The following AGBL4 variants were observed in gnomAD, a reference collection of about 807,000 sequenced individuals.
The protein encoded by AGBL4 is AGBL carboxypeptidase 4, also known as cytosolic carboxypeptidase 6.
Under a neutral mutation model 66.4 loss-of-function variants are expected in AGBL4, and 58 were observed. The ratio of observed to expected loss-of-function variants is 0.87; its 90% confidence interval spans 0.71 to 1.09. The LOEUF (loss-of-function observed/expected upper bound fraction) is 1.09. Ranked by LOEUF, AGBL4 falls within the 50% of genes least tolerant of loss-of-function variation. AGBL4 has a pLI of 0.00. For synonymous variants in AGBL4, 234 were observed against 222.9 expected (o/e 1.05, Z -0.44); for missense variants, 579 against 631.0 (o/e 0.92, Z 0.88).
At chr1:49,404,850 C>CTGCTTATTT (rs1645162790) in intron 3 of AGBL4, among the ~76,000 whole-genome samples, 1 of 152,124 alleles carries the variant, frequency 6.6e-6, no homozygotes, top group Non-Finnish European at 1.5e-5. Context: ...ATATATTCAA[C>CTGCTTATTT]TGCTTATTTT....
intron 4 of AGBL4, among the ~76,000 whole-genome samples, chr1:49,079,315 A>G (rs1159618096): frequency 6.6e-6 from 1 of 152,168 alleles, no homozygotes; most frequent in Non-Finnish European, 1.5e-5. Context: ...AATACCTGAA[A>G]CTGGGTAATT....
chr1:49,552,021 A>G (rs953027022), intron 3 of AGBL4, among the ~76,000 whole-genome samples: 1 of 152,036 alleles, frequency 6.6e-6, no homozygotes, highest in Non-Finnish European at 1.5e-5. Flanking sequence ...GAGTTACACA[A>G]CTTCATGGTG....
At chr1:49,480,228 G>A (rs974775144) in intron 3 of AGBL4, among the ~76,000 whole-genome samples, 9 of 151,894 alleles carry the variant, frequency 5.9e-5, no homozygotes, top group Non-Finnish European at 8.8e-5. Context: ...TTCCACAATG[G>A]TTAAACTAAT....
intron 3 of AGBL4, among the ~76,000 whole-genome samples, chr1:49,439,533 G>A (rs1645977992): frequency 6.6e-6 from 1 of 152,156 alleles, no homozygotes; most frequent in Non-Finnish European, 1.5e-5. Flanking sequence ...GTGTCAACTT[G>A]ATTAGATTGA....
chr1:49,476,681 T>C (rs1646853170), intron 3 of AGBL4, among the ~76,000 whole-genome samples: 1 of 152,086 alleles, frequency 6.6e-6, no homozygotes, highest in Non-Finnish European at 1.5e-5. Context: ...CTTTTTCTTA[T>C]TGTTTCTGAC....
intron 2 of AGBL4, among the ~76,000 whole-genome samples, chr1:49,756,987 C>A (rs1018515043): frequency 6.6e-6 from 1 of 152,106 alleles, no homozygotes; most frequent in Non-Finnish European, 1.5e-5. Context: ...TGTGTTCCCA[C>A]CCAAAGCCTA....
intron 6 of AGBL4, among the ~76,000 whole-genome samples, chr1:48,819,985 A>T (rs943902380): frequency 3.9e-5 from 6 of 152,222 alleles, no homozygotes; most frequent in African/African-American, 1.2e-4. Context: ...ACACAAAGCC[A>T]TTCTGCTGCC....
chr1:49,464,660 C>T (rs536775116), intron 3 of AGBL4, among the ~76,000 whole-genome samples: 2 of 151,814 alleles, frequency 1.3e-5, no homozygotes, highest in African/African-American at 4.8e-5. Context: ...CAATATGTCT[C>T]ATTTCAAAGA....
intron 5 of AGBL4, among the ~76,000 whole-genome samples, chr1:48,985,935 T>C (rs866028037): frequency 1.2e-3 from 179 of 152,288 alleles, no homozygotes; most frequent in African/African-American, 4.0e-3. Flanking sequence ...CTGTATTCCA[T>C]ATGTTCCAAA....
intron 3 of AGBL4, among the ~76,000 whole-genome samples, chr1:49,567,396 G>T (rs957289586): frequency 4.6e-5 from 7 of 152,156 alleles, no homozygotes; most frequent in Non-Finnish European, 8.8e-5. Context: ...CATCACTCAT[G>T]CTGGGTGCTG....
intron 11 of AGBL4, among the ~76,000 whole-genome samples, chr1:48,564,787 C>A (rs1016915251): frequency 6.6e-6 from 1 of 152,212 alleles, no homozygotes; most frequent in Non-Finnish European, 1.5e-5. Context: ...ACTCACCAGA[C>A]AACAAAACAT....
intron 3 of AGBL4, among the ~76,000 whole-genome samples, chr1:49,263,482 C>G (rs911539002): frequency 1.3e-5 from 2 of 151,768 alleles, no homozygotes; most frequent in African/African-American, 4.8e-5. Context: ...AGCATATAAT[C>G]AGACAAGATA....
chr1:49,746,008 G>A (rs187777626), intron 2 of AGBL4, among the ~76,000 whole-genome samples: 5 of 151,920 alleles, frequency 3.3e-5, no homozygotes, highest in African/African-American at 1.2e-4. Flanking sequence ...AAATTTCAAA[G>A]TTTTGAAATA....
At chr1:49,464,733 C>A (rs1399493515) in intron 3 of AGBL4, among the ~76,000 whole-genome samples, 1 of 151,520 alleles carries the variant, frequency 6.6e-6, no homozygotes, top group Non-Finnish European at 1.5e-5. Context: ...AGGGCTGATA[C>A]CCAAGCCACG....
Position 49,697,371 on chromosome 1 carries a change from C to G in AGBL4, c.224G>C (p.Cys75Ser). Residue 75 changes from cysteine (C) to serine (S), a missense_variant, in exon 3 of 14, where the codon TGT (cysteine) becomes TCT (serine). Coordinates refer to ENST00000371839, the MANE Select transcript of AGBL4 (RefSeq NM_032785.4). ...GAACCAGACTCGGAAGCGTGGATTA[C>G]AGGTGTCCGGCCTAATGAACAGATC... Reference protein sequence around the residue: ...EYDLFIRPDTCNPRFRVWFNF... With the variant: ...EYDLFIRPDTSNPRFRVWFNF... The G allele has an allele frequency of 6.5e-7, 1 of 1,548,778 alleles. No homozygotes were observed. The highest frequency in any genetic ancestry group is 8.7e-7 in the Non-Finnish European group (1 of 1,144,802).
intron 4 of AGBL4, among the ~76,000 whole-genome samples, chr1:49,064,592 T>C (rs913134094): frequency 5.9e-5 from 9 of 152,212 alleles, no homozygotes; most frequent in Non-Finnish European, 1.2e-4. Context: ...TGTATTTCTT[T>C]TTTCTAAGTT....
At chr1:48,600,824 A>AT (rs925595037) in intron 9 of AGBL4, among the ~76,000 whole-genome samples, 4 of 151,922 alleles carry the variant, frequency 2.6e-5, no homozygotes, top group African/African-American at 9.7e-5. Context: ...ATAAAAACGT[A>AT]TTTTTTTTCT....
Position 48,942,310 on chromosome 1 carries a change from T to TG in AGBL4, c.595-75081dup, listed in dbSNP as rs4028314. Among the ~76,000 whole-genome samples the TG allele has an allele frequency of 6.8e-3, 980 of 143,116 alleles. 5 individuals carry two copies. Among genetic ancestry groups the TG allele is most frequent in the East Asian group, 0.014 (64 of 4,540 alleles). The allele number at this position is 143,116 out of a possible 152,430, so 93.9% of individuals were successfully genotyped here. A position where few individuals can be genotyped will look rare whatever the true frequency, so the allele number is the denominator to read the frequency against. ...AGAGCCATATGTTGAATTATTGTGG[T>TG]GGGGGGGGGGGGTTGTGGTAAAAGA... On this transcript the variant is annotated intron_variant, in intron 5 of 13. Transcript: ENST00000371839.
chr1:48,789,847 G>A (rs10749680), intron 6 of AGBL4, among the ~76,000 whole-genome samples: 127,888 of 152,146 alleles, frequency 0.84, 55,660 homozygotes, highest in Non-Finnish European at 0.96. Context: ...AAGCCAACCC[G>A]TCTCTGCTGC....
Sources: gnomAD v4.1 joint callset for allele counts (sites outside exome capture counted in the v4.1 genomes callset) on GRCh38, gnomAD v4.1.1 for gene constraint, MANE v1.5 for transcripts, NCBI Gene and HGNC (gene_info 2026-07-23, HGNC 2026-07-21) for gene names.